MEF2C: variants seen among roughly 807,000 people sequenced by gnomAD.
The protein encoded by MEF2C is myocyte-specific enhancer factor 2C.
Under a neutral mutation model 50.5 loss-of-function variants are expected in MEF2C, and 6 were observed. The observed-to-expected ratio is 0.12, with a 90% CI of 0.07 to 0.23. MEF2C has a LOEUF of 0.23. Among genes scored for constraint, MEF2C ranks in the 10% least tolerant of loss-of-function variants. MEF2C has a pLI of 1.00. For synonymous variants in MEF2C, 183 were observed against 228.0 expected (o/e 0.80, Z 1.78); for missense variants, 276 against 605.0 (o/e 0.46, Z 5.70).
chr5:88,878,414 A>AC lies in MEF2C; in HGVS notation c.-143+4540_-143+4541insG, dbSNP rs201907008. On this transcript the variant is annotated intron_variant, in intron 1 of 10. Transcript: ENST00000504921. Reference sequence around the variant, plus strand: ...ATTTAGAAACTTAGGAAGTAGAATCAGAGAGCTGTTTGAAATCACAAACAT... The same window carrying AC: ...ATTTAGAAACTTAGGAAGTAGAATCACGAGAGCTGTTTGAAATCACAAACAT... Among the ~76,000 whole-genome samples the AC allele has an allele frequency of 3.3e-4, 50 of 152,152 alleles. 1 individual carries two copies. In the East Asian group the frequency reaches 6.2e-3, roughly 19 times the overall value.
At chr5:88,737,080 T>C (rs1764439203) in intron 6 of MEF2C, 1 of 984,596 alleles carries the variant, frequency 1.0e-6, no homozygotes, top group African/African-American at 1.7e-5. Context: ...TAGAATATGC[T>C]AGAAAAATTA....
At chr5:88,893,643 G>A (rs1232527767) in intron 1 of MEF2C, among the ~76,000 whole-genome samples, 1 of 151,978 alleles carries the variant, frequency 6.6e-6, no homozygotes, top group Non-Finnish European at 1.5e-5. Flanking sequence ...AAAATGTTAT[G>A]TTTTCAAGAA....
chr5:88,851,998 C>T (rs78787540), intron 1 of MEF2C, among the ~76,000 whole-genome samples: 1,857 of 152,174 alleles, frequency 0.012, 16 homozygotes, highest in Non-Finnish European at 0.017. Context: ...TTGTTTGCAA[C>T]ATTTCCATAA....
rs575348057 is a variant in MEF2C, at chr5:88,855,028, A to T, written c.-143+27927T>A. On this transcript the variant is annotated intron_variant, in intron 1 of 10. Transcript: ENST00000504921. ...TACCCAAAGTGGTTCTATGCACAAT[A>T]AAGGAGACAAGCATGGCAGGAGGTA... Among the ~76,000 whole-genome samples, 407 of 152,350 alleles carry T rather than the reference A, an allele frequency of 2.7e-3. 1 individual carries two copies. Among genetic ancestry groups the T allele is most frequent in the African/African-American group, 9.5e-3 (394 of 41,588 alleles).
At chr5:88,780,843 C>G (rs898768413) in intron 3 of MEF2C, 1 of 985,268 alleles carries the variant, frequency 1.0e-6, no homozygotes, top group Non-Finnish European at 1.2e-6. Flanking sequence ...CTACCCCCTT[C>G]TCTTTCTCCC....
chr5:88,778,061 CG>C (rs1044912620), intron 3 of MEF2C, among the ~76,000 whole-genome samples: 38 of 151,830 alleles, frequency 2.5e-4, no homozygotes, highest in African/African-American at 9.2e-4. Flanking sequence ...CCCGCCACCA[CG>C]CCCGGCTAAT....
At chr5:88,754,140 G>A (rs1262944718) in intron 4 of MEF2C, among the ~76,000 whole-genome samples, 2 of 152,186 alleles carry the variant, frequency 1.3e-5, no homozygotes, top group Admixed American at 6.5e-5. Context: ...ACTGGTCAGT[G>A]GGGGAGGCAC....
At chr5:88,850,308 A>G (rs767384711) in intron 1 of MEF2C, among the ~76,000 whole-genome samples, 11 of 152,142 alleles carry the variant, frequency 7.2e-5, no homozygotes, top group Non-Finnish European at 1.2e-4. Flanking sequence ...AGTTCATCTA[A>G]TCTCCAGAAA....
chr5:88,828,397 A>T (rs1811785626), intron 1 of MEF2C, among the ~76,000 whole-genome samples: 1 of 152,028 alleles, frequency 6.6e-6, no homozygotes, highest in Non-Finnish European at 1.5e-5. Flanking sequence ...TTCAAAAAAA[A>T]ATTCCGGTTT....
At chr5:88,879,427 T>C (rs559104864) in intron 1 of MEF2C, among the ~76,000 whole-genome samples, 4 of 151,118 alleles carry the variant, frequency 2.6e-5, no homozygotes, top group South Asian at 4.2e-4. Context: ...TATGAAGATA[T>C]GTTTCACATA....
chr5:88,831,002 G>A (rs564476398), intron 1 of MEF2C, among the ~76,000 whole-genome samples: 5 of 152,174 alleles, frequency 3.3e-5, no homozygotes, highest in South Asian at 2.1e-4. Context: ...AGTTGGAGAT[G>A]TTGCTATTAT....
intron 1 of MEF2C, among the ~76,000 whole-genome samples, chr5:88,837,439 C>G (rs545831015): frequency 6.6e-6 from 1 of 152,210 alleles, no homozygotes; most frequent in East Asian, 1.9e-4. Context: ...AAGCACTAAG[C>G]GCAAAGCAAT....
chr5:88,814,117 C>CG (rs1324615336), intron 2 of MEF2C, among the ~76,000 whole-genome samples: 1 of 152,110 alleles, frequency 6.6e-6, no homozygotes, highest in African/African-American at 2.4e-5. Context: ...GAGTCTGCAA[C>CG]GACAATCTTT....
At chr5:88,856,253 C>A (rs899617217) in intron 1 of MEF2C, among the ~76,000 whole-genome samples, 4 of 152,168 alleles carry the variant, frequency 2.6e-5, no homozygotes, top group Admixed American at 6.5e-5. Context: ...AGTTTCTAAG[C>A]AGCAAAGTGT....
upstream of MEF2C, among the ~76,000 whole-genome samples, chr5:88,886,958 C>T (rs1424517916): frequency 6.6e-6 from 1 of 152,202 alleles, no homozygotes; most frequent in South Asian, 2.1e-4. Flanking sequence ...ACTGGGTCTG[C>T]CTGCTTTTAA....
chr5:88,834,601 G>T (rs538772626), intron 1 of MEF2C, among the ~76,000 whole-genome samples: 1 of 152,154 alleles, frequency 6.6e-6, no homozygotes, highest in Middle Eastern at 3.2e-3. Context: ...ATGGACCAAG[G>T]GGTGATGAAG....
At chr5:88,840,921 T>C (rs1448086594) in intron 1 of MEF2C, among the ~76,000 whole-genome samples, 7 of 152,218 alleles carry the variant, frequency 4.6e-5, no homozygotes. Context: ...CTTCACACTT[T>C]ATTAACAAAG....
At chr5:88,853,714 A>G (rs1822230381) in intron 1 of MEF2C, among the ~76,000 whole-genome samples, 1 of 152,214 alleles carries the variant, frequency 6.6e-6, no homozygotes, top group African/African-American at 2.4e-5. Flanking sequence ...CACGTAATGA[A>G]TTTATAAAAG....
At chr5:88,839,351 C>CTCTCTCTCTCTCTCTCTCTA (rs10694803) in intron 1 of MEF2C, 1 of 146,298 alleles carries the variant, frequency 6.8e-6, no homozygotes, top group African/African-American at 2.6e-5. Flanking sequence ...CTCTCTCTCT[C>CTCTCTCTCTCTCTCTCTCTA]TCTATCTATC....
Sources: allele counts gnomAD v4.1 joint callset (sites outside exome capture counted in the v4.1 genomes callset), GRCh38; gene constraint gnomAD v4.1.1; transcripts MANE v1.5; gene names NCBI Gene and HGNC (gene_info 2026-07-23, HGNC 2026-07-21).